TENM3: variants seen among roughly 807,000 people sequenced by gnomAD.
The protein encoded by TENM3 is teneurin transmembrane protein 3, also known as teneurin-3.
TENM3 carries 63 observed loss-of-function variants against 255.1 expected under a neutral mutation model. The ratio of observed to expected loss-of-function variants is 0.25; its 90% CI spans 0.20 to 0.30. The LOEUF (loss-of-function observed/expected upper bound fraction) is 0.30. Ranked by LOEUF, TENM3 falls within the 10% of genes least tolerant of loss-of-function variation. The pLI, the probability that TENM3 is intolerant of heterozygous loss-of-function variation, is 1.00. For missense variants in TENM3, 2,929 were observed against 3,461.1 expected, an observed-to-expected ratio of 0.85 and a Z score of 3.86; for synonymous variants, 1,306 against 1,322.3, an observed-to-expected ratio of 0.99 and a Z score of 0.27.
chr4:182,607,708 A>G (rs1748568335), intron 4 of TENM3, among the ~76,000 whole-genome samples: 1 of 152,226 alleles, frequency 6.6e-6, no homozygotes, highest in African/African-American at 2.4e-5. Flanking sequence ...AGCAATTAAG[A>G]CACCAAGAAA....
At chr4:181,589,822 TTCTC>T in the TENM3 span, among the ~76,000 whole-genome samples, 2 of 152,204 alleles carry the variant, frequency 1.3e-5, no homozygotes, top group South Asian at 4.1e-4. Context: ...CCGTACGTGA[TTCTC>T]TCAGCCTCAA....
chr4:182,774,860 C>A (rs769139072), intron 23 of TENM3, 58 bp from the exon 24 acceptor site: 32 of 1,281,392 alleles, frequency 2.5e-5, no homozygotes, highest in Non-Finnish European at 3.2e-5. Flanking sequence ...CACGGCACAA[C>A]CGGCCAAGTA....
chr4:181,456,430 C>A, the TENM3 span, among the ~76,000 whole-genome samples: 1 of 151,770 alleles, frequency 6.6e-6, no homozygotes, highest in Non-Finnish European at 1.5e-5. Flanking sequence ...AAGGAACGAA[C>A]GAGGGCTTAG....
the TENM3 span, among the ~76,000 whole-genome samples, chr4:181,921,113 A>G: frequency 6.6e-6 from 1 of 152,172 alleles, no homozygotes; most frequent in South Asian, 2.1e-4. Context: ...TGGTACCAGT[A>G]CCATGCTGTT....
At position 182,193,696 on chromosome 4, in the gene TENM3, A is replaced by G. The variant is rs558528620; in HGVS notation, c.-76+48942A>G. 6.6e-5 allele frequency among the ~76,000 whole-genome samples: 10 copies of G among 152,328 alleles called. No homozygotes were observed. The East Asian group carries it at 1.9e-3, about 29-fold the overall frequency. On this transcript the variant is annotated intron_variant, in intron 1 of 2. Transcript: ENST00000512480. ...TATTTTTTGGCTGACCTATTTGGGT[A>G]GATGTGGATTTGATTCATCTGTTTT... is the stretch of plus-strand genomic sequence containing the variant.
At chr4:182,165,019 C>T (rs1751611962) in intron 1 of TENM3, among the ~76,000 whole-genome samples, 2 of 152,146 alleles carry the variant, frequency 1.3e-5, no homozygotes, top group African/African-American at 4.8e-5. Context: ...AACACTAATG[C>T]CAGGATTTTG....
At chr4:181,912,565 A>T in the TENM3 span, among the ~76,000 whole-genome samples, 1 of 151,876 alleles carries the variant, frequency 6.6e-6, no homozygotes, top group Admixed American at 6.6e-5. Context: ...AGATGAGATG[A>T]GTGGATCACT....
At chr4:182,060,218 C>G in the TENM3 span, among the ~76,000 whole-genome samples, 1 of 152,130 alleles carries the variant, frequency 6.6e-6, no homozygotes, top group Admixed American at 6.6e-5. Flanking sequence ...GCCTGGGTAA[C>G]AGAGTGAGAC....
chr4:182,486,711 G>T (rs979777036), intron 3 of TENM3, among the ~76,000 whole-genome samples: 3 of 152,132 alleles, frequency 2.0e-5, no homozygotes, highest in Admixed American at 1.3e-4. Flanking sequence ...TTTCCATCTG[G>T]ACTGTGTCTT....
the TENM3 span, among the ~76,000 whole-genome samples, chr4:182,009,756 G>C: frequency 2.0e-5 from 3 of 152,208 alleles, no homozygotes; most frequent in Non-Finnish European, 4.4e-5. Flanking sequence ...CTGGGAGTTC[G>C]GTTGGCTTAA....
At chr4:182,530,549 G>T (rs1301310858) in intron 3 of TENM3, among the ~76,000 whole-genome samples, 2 of 152,126 alleles carry the variant, frequency 1.3e-5, no homozygotes, top group African/African-American at 4.8e-5. Flanking sequence ...GGTATTTATT[G>T]TGGGGCTGTG....
the TENM3 span, among the ~76,000 whole-genome samples, chr4:181,956,820 T>C: frequency 6.6e-6 from 1 of 152,210 alleles, no homozygotes; most frequent in African/African-American, 2.4e-5. Context: ...ATGTGTTATA[T>C]TTATCTGGAC....
the TENM3 span, among the ~76,000 whole-genome samples, chr4:181,641,970 C>T: frequency 8.0e-5 from 12 of 150,512 alleles, no homozygotes; most frequent in Non-Finnish European, 3.0e-5. Flanking sequence ...GATTTATAAT[C>T]CTTTGGGTAT....
At chr4:181,727,919 G>T in the TENM3 span, among the ~76,000 whole-genome samples, 2 of 152,110 alleles carry the variant, frequency 1.3e-5, no homozygotes, top group African/African-American at 4.8e-5. Context: ...GCCTTAATTT[G>T]GTGGGTAACA....
intron 1 of TENM3, among the ~76,000 whole-genome samples, chr4:182,320,856 C>A (rs1410248242): frequency 6.6e-6 from 1 of 152,150 alleles, no homozygotes; most frequent in African/African-American, 2.4e-5. Flanking sequence ...GTTTGCCAGT[C>A]AATACCTGGT....
At chr4:182,627,653 G>GTATACAGTCC (rs144078128) in intron 4 of TENM3, among the ~76,000 whole-genome samples, 1 of 152,052 alleles carries the variant, frequency 6.6e-6, no homozygotes, top group African/African-American at 2.4e-5. Context: ...TGTATATTCA[G>GTATACAGTCC]TGGATACTCA....
chr4:182,452,101 CACAT>C (rs1773508077), intron 3 of TENM3, among the ~76,000 whole-genome samples: 1 of 152,116 alleles, frequency 6.6e-6, no homozygotes, highest in East Asian at 1.9e-4. Flanking sequence ...TATACATGCA[CACAT>C]ACAGACATAT....
chr4:182,569,941 G>T (rs1319604203), intron 3 of TENM3, among the ~76,000 whole-genome samples: 2 of 152,180 alleles, frequency 1.3e-5, no homozygotes, highest in Non-Finnish European at 2.9e-5. Flanking sequence ...GAATGTGCAG[G>T]TAGGATATAT....
chr4:182,707,780 GC>G (rs1354661135), intron 12 of TENM3: 1 of 152,160 alleles, frequency 6.6e-6, no homozygotes, highest in Non-Finnish European at 1.5e-5. Context: ...TCCAGGGATG[GC>G]TGTGTATCTG....
Sources: allele counts gnomAD v4.1 joint callset (sites outside exome capture counted in the v4.1 genomes callset), GRCh38; gene constraint gnomAD v4.1.1; transcripts MANE v1.5; gene names NCBI Gene and HGNC (gene_info 2026-07-23, HGNC 2026-07-21).